ASCL5: variants seen among roughly 807,000 people sequenced by gnomAD.
ASCL5 encodes achaete-scute family bHLH transcription factor 5.
For missense variants in ASCL5, 262 were observed against 268.9 expected (o/e 0.97, Z 0.18); for synonymous variants, 124 against 131.5 (o/e 0.94, Z 0.39).
At chr1:201,119,826 G>T (rs181436328) in intron 1 of ASCL5, among the ~76,000 whole-genome samples, 3 of 152,028 alleles carry the variant, frequency 2.0e-5, no homozygotes, top group African/African-American at 7.3e-5. Context: ...GAAAGAGCTA[G>T]TTGAGTGAAC....
At chr1:201,116,509 C>T (rs886519375) in intron 1 of ASCL5, among the ~76,000 whole-genome samples, 3 of 152,168 alleles carry the variant, frequency 2.0e-5, no homozygotes, top group African/African-American at 7.2e-5. Flanking sequence ...TATTCTTTCA[C>T]CTGTATGCCC....
In ASCL5 at chr1:201,115,563, C is replaced by A; in HGVS notation, c.-191G>T. On this transcript the variant is annotated 5_prime_UTR_variant, in exon 2 of 2. Coordinates refer to ENST00000449188, the MANE Select transcript of ASCL5 (RefSeq NM_001270601.2). Reference sequence around the variant, plus strand: ...CCCTAACAAGAGCCATCGCCCTAGACAAGTGTGGCCCCTCTCAGGAGGTCG... The same window carrying A: ...CCCTAACAAGAGCCATCGCCCTAGAAAAGTGTGGCCCCTCTCAGGAGGTCG... 2.5e-6 allele frequency: 1 copy of A among 404,574 alleles called. No individual in the cohort carries two copies. 25.1% of individuals were successfully genotyped at this position (404,574 alleles called of 1,614,324 possible). A position where few individuals can be genotyped will look rare whatever the true frequency, so the allele number is the denominator to read the frequency against.
At chr1:201,119,890 C>T (rs1156575224) in intron 1 of ASCL5, among the ~76,000 whole-genome samples, 1 of 152,184 alleles carries the variant, frequency 6.6e-6, no homozygotes. Flanking sequence ...ATGCTGTCCA[C>T]CTTTTTAAGG....
intron 1 of ASCL5, among the ~76,000 whole-genome samples, chr1:201,124,656 C>T (rs1467436024): frequency 2.6e-5 from 4 of 152,158 alleles, no homozygotes; most frequent in African/African-American, 4.8e-5. Flanking sequence ...CCAGAGAATT[C>T]GTAGGTGGGA....
Position 201,115,520 on chromosome 1 carries a change from G to T in ASCL5, c.-148C>A. 3.6e-6 allele frequency: 2 copies of T among 557,084 alleles called. No individual in the cohort carries two copies. The highest frequency in any genetic ancestry group is 5.4e-6 in the Non-Finnish European group (2 of 372,624). 34.5% of individuals were successfully genotyped at this position (557,084 alleles called of 1,614,324 possible). A position where few individuals can be genotyped will look rare whatever the true frequency, so the allele number is the denominator to read the frequency against. On this transcript the variant is annotated 5_prime_UTR_variant, in exon 2 of 2. Transcript: ENST00000449188. ...TGCTAGGGCCTCTTTTCGCCCTTTA[G>T]GGTGGCTTCCAATGACTCCCTAACA...
chr1:201,115,227 G>A lies in ASCL5; in HGVS notation c.146C>T (p.Pro49Leu), dbSNP rs1572083461. Residue 49 changes from proline to leucine, a missense_variant, in exon 2 of 2, where the codon CCG becomes CTG. Coordinates refer to ENST00000449188, the MANE Select transcript of ASCL5 (RefSeq NM_001270601.2). Reference protein sequence around the residue: ...PLGNVPFLLYPGPAEPPYYDA... With the variant: ...PLGNVPFLLYLGPAEPPYYDA... Reference sequence around the variant, plus strand: ...GTAGTAGGGCGGCTCTGCTGGGCCCGGGTACAGCAGGAAGGGCACGTTGCC... The same window carrying A: ...GTAGTAGGGCGGCTCTGCTGGGCCCAGGTACAGCAGGAAGGGCACGTTGCC... 4.9e-6 allele frequency: 6 copies of A among 1,231,556 alleles called. No individual in the cohort carries two copies. The East Asian group carries it at 1.6e-4, about 32-fold the overall frequency. The allele number at this position is 1,231,556 out of a possible 1,614,324, so 76.3% of individuals were successfully genotyped here. A position where few individuals can be genotyped will look rare whatever the true frequency, so the allele number is the denominator to read the frequency against.
rs1663296365 is a variant in ASCL5, at chr1:201,114,747, C to T, written c.*5G>A. The T allele has an allele frequency of 4.1e-6, 5 of 1,230,976 alleles. No individual in the cohort carries two copies. In the South Asian group the frequency reaches 1.6e-4, roughly 40 times the overall value. 76.3% of individuals were successfully genotyped at this position (1,230,976 alleles called of 1,614,324 possible). On this transcript the variant is annotated 3_prime_UTR_variant, in exon 2 of 2. Transcript: ENST00000449188. ...CCTCCAAGCCGGGGGCGGCCACAGG[C>T]CCGATCAATGCCAGGATTCCTCCGA...
At chr1:201,116,369 T>G (rs1352483659) in intron 1 of ASCL5, among the ~76,000 whole-genome samples, 1 of 152,118 alleles carries the variant, frequency 6.6e-6, no homozygotes, top group Non-Finnish European at 1.5e-5. Context: ...AGGTAGGTGT[T>G]GCTGGTCCAT....
Position 201,125,229 on chromosome 1 carries a change from C to T in ASCL5, c.-506+1855G>A, listed in dbSNP as rs753555202. Among the ~76,000 whole-genome samples the T allele has an allele frequency of 1.4e-4, 22 of 152,310 alleles. 1 individual carries two copies. The highest frequency in any genetic ancestry group is 2.1e-4 in the South Asian group (1 of 4,830). On this transcript the variant is annotated intron_variant, in intron 1 of 1. Coordinates refer to ENST00000449188, the MANE Select transcript of ASCL5 (RefSeq NM_001270601.2). ...GATCGTGCATGAAAACACGCTGGCA[C>T]GCTTCGTGGCTGGGAAGTGCTCAGT...
In ASCL5 at chr1:201,114,840, C is replaced by T. The variant is rs1481535855; in HGVS notation, c.533G>A (p.Arg178Gln). Residue 178 changes from arginine (R) to glutamine (Q), a missense_variant, in exon 2 of 2, where the codon CGG (arginine) becomes CAG (glutamine). By Grantham distance (43) the Arg-to-Gln change is conservative (BLOSUM62 1). Coordinates refer to ENST00000449188, the MANE Select transcript of ASCL5 (RefSeq NM_001270601.2). ...RPDRPGDGEA[R>Q]APSSLVPESS... ...CTCCGGCACCAGGGAGGAGGGCGCC[C>T]GGGCCTCGCCGTCGCCAGGGCGGTC... 3 of 1,139,552 alleles carry T rather than the reference C, an allele frequency of 2.6e-6. No individual in the cohort carries two copies. Among genetic ancestry groups the T allele is most frequent in the Non-Finnish European group, 3.2e-6 (3 of 927,384 alleles). 70.6% of individuals were successfully genotyped at this position (1,139,552 alleles called of 1,614,324 possible). A position where few individuals can be genotyped will look rare whatever the true frequency, so the allele number is the denominator to read the frequency against.
intron 1 of ASCL5, among the ~76,000 whole-genome samples, chr1:201,121,521 G>T (rs1209217493): frequency 1.3e-5 from 2 of 152,068 alleles, no homozygotes; most frequent in Non-Finnish European, 2.9e-5. Context: ...TTTTAATTTT[G>T]TAGACCAATA....
chr1:201,124,096 T>C (rs1663532855), intron 1 of ASCL5, among the ~76,000 whole-genome samples: 2 of 152,236 alleles, frequency 1.3e-5, no homozygotes, highest in Admixed American at 6.5e-5. Context: ...TGAATGCTTA[T>C]GATTAATCAA....
chr1:201,122,098 G>A (rs570284711), intron 1 of ASCL5, among the ~76,000 whole-genome samples: 70 of 152,322 alleles, frequency 4.6e-4, no homozygotes, highest in African/African-American at 1.6e-3. Context: ...AGAAAATGAT[G>A]CTTCATGCTC....
intron 1 of ASCL5, among the ~76,000 whole-genome samples, chr1:201,120,285 C>T (rs1663425895): frequency 6.6e-6 from 1 of 152,132 alleles, no homozygotes; most frequent in African/African-American, 2.4e-5. Context: ...CAATATTAGC[C>T]CCTTGTTGTC....
chr1:201,116,395 T>C (rs1296277591), intron 1 of ASCL5, among the ~76,000 whole-genome samples: 1 of 152,158 alleles, frequency 6.6e-6, no homozygotes, highest in African/African-American at 2.4e-5. Flanking sequence ...GCCCTCTGCC[T>C]GGCAGAGACA....
At chr1:201,126,912 C>T (rs1663589997) in intron 1 of ASCL5, among the ~76,000 whole-genome samples, 172 bp downstream of exon 1, 1 of 152,236 alleles carries the variant, frequency 6.6e-6, no homozygotes, top group Admixed American at 6.5e-5. Flanking sequence ...TAACCCCAGC[C>T]AGCAGGTGGC....
Position 201,115,077 on chromosome 1 carries a change from A to C in ASCL5, c.296T>G (p.Val99Gly). Reference protein sequence around the residue: ...NERERQRVKCVNEGYARLRGH... With the variant: ...NERERQRVKCGNEGYARLRGH... Reference sequence around the variant, plus strand: ...GCGGAGGCGAGCGTAGCCCTCGTTGACGCACTTGACTCGCTGCCTCTCGCG... The same window carrying C: ...GCGGAGGCGAGCGTAGCCCTCGTTGCCGCACTTGACTCGCTGCCTCTCGCG... Residue 99 changes from valine (V) to glycine (G), a missense_variant, in exon 2 of 2, where the codon GTC (valine) becomes GGC (glycine). By Grantham distance (109) the Val-to-Gly change is moderately radical. Transcript: ENST00000449188. 1 of 1,231,876 alleles carries C rather than the reference A, an allele frequency of 8.1e-7. No individual in the cohort carries two copies. Among genetic ancestry groups the C allele is most frequent in the Non-Finnish European group, 1.0e-6 (1 of 988,138 alleles). The allele number at this position is 1,231,876 out of a possible 1,614,324, so 76.3% of individuals were successfully genotyped here.
At chr1:201,125,038 C>T (rs1417555950) in intron 1 of ASCL5, among the ~76,000 whole-genome samples, 1 of 152,238 alleles carries the variant, frequency 6.6e-6, no homozygotes, top group African/African-American at 2.4e-5. Flanking sequence ...ACTTGTCATA[C>T]GTTGGCTTAC....
At chr1:201,123,323 G>A (rs977640427) in intron 1 of ASCL5, among the ~76,000 whole-genome samples, 6 of 152,178 alleles carry the variant, frequency 3.9e-5, no homozygotes, top group African/African-American at 1.4e-4. Context: ...GCTCCTTCAA[G>A]GAATCCTTCT....
Sources: allele counts gnomAD v4.1 joint callset (sites outside exome capture counted in the v4.1 genomes callset), GRCh38; gene constraint gnomAD v4.1.1; transcripts MANE v1.5; gene names NCBI Gene and HGNC (gene_info 2026-07-23, HGNC 2026-07-21).